The following ANKIB1 variants were observed in gnomAD, a reference collection of about 807,000 sequenced individuals.
ANKIB1 encodes the protein ankyrin repeat and IBR domain-containing protein 1.
A neutral mutation model predicts 122.1 loss-of-function variants in ANKIB1; 43 were observed. That is an observed-to-expected ratio of 0.35 (90% CI 0.28 to 0.45). ANKIB1 has a LOEUF of 0.45. ANKIB1 is among the 20% of genes least tolerant of loss of function. The pLI, the probability that ANKIB1 is intolerant of heterozygous loss-of-function variation, is 1.00. For missense variants in ANKIB1, 992 were observed against 1,329.5 expected (o/e 0.75, Z 3.95); for synonymous variants, 390 against 442.0 (o/e 0.88, Z 1.48).
chr7:92,317,885 G>A (rs1326766864), intron 3 of ANKIB1, among the ~76,000 whole-genome samples: 1 of 152,198 alleles, frequency 6.6e-6, no homozygotes, highest in South Asian at 2.1e-4. Flanking sequence ...TCTAAAAAGT[G>A]TTAACATTTA....
rs141328169 is a variant in ANKIB1, at chr7:92,281,310, G to A, written c.-90-13579G>A. Among the ~76,000 whole-genome samples, 7 of 152,138 alleles carry A rather than the reference G, an allele frequency of 4.6e-5. 1 individual carries two copies. The highest frequency in any genetic ancestry group is 7.4e-5 in the Non-Finnish European group (5 of 68,018). ...TTCCAGACTTTCTGAAGAAAAGCAG[G>A]TGATTAGCATATACTGCATTATTTA... On this transcript the variant is annotated intron_variant, in intron 1 of 19. Transcript: ENST00000265742.
At chr7:92,331,258 A>AAC (rs1328408523) in intron 5 of ANKIB1, among the ~76,000 whole-genome samples, 2 of 151,356 alleles carry the variant, frequency 1.3e-5, no homozygotes, top group Non-Finnish European at 2.9e-5. Context: ...CATCTTAAAC[A>AAC]ACATCACTTC....
At position 92,262,749 on chromosome 7, in the gene ANKIB1, A is replaced by G. The variant is rs916402836; in HGVS notation, c.-91+16230A>G. Among the ~76,000 whole-genome samples the G allele has an allele frequency of 5.9e-5, 9 of 152,126 alleles. 1 individual carries two copies. The South Asian group carries it at 1.2e-3, about 21-fold the overall frequency. ...TAATTCCCAGTTTAGATAACTATCT[A>G]TAATTTTATTATTTTTAAAAGAAAG... On this transcript the variant is annotated intron_variant, in intron 1 of 19. Coordinates refer to ENST00000265742, the MANE Select transcript of ANKIB1 (RefSeq NM_019004.2).
At chr7:92,284,755 T>A (rs775849552) in intron 1 of ANKIB1, among the ~76,000 whole-genome samples, 2 of 152,208 alleles carry the variant, frequency 1.3e-5, no homozygotes, top group African/African-American at 4.8e-5. Flanking sequence ...GTGATTTACT[T>A]ATGGCCCAGC....
chr7:92,321,656 A>G (rs139568649), intron 4 of ANKIB1, among the ~76,000 whole-genome samples: 35 of 152,302 alleles, frequency 2.3e-4, no homozygotes, highest in African/African-American at 7.7e-4. Context: ...TCTAAAAGGT[A>G]TTATGTAACT....
chr7:92,376,088 A>G (rs866473242), intron 11 of ANKIB1, among the ~76,000 whole-genome samples: 43 of 152,348 alleles, frequency 2.8e-4, no homozygotes, highest in Middle Eastern at 3.4e-3. Flanking sequence ...ATGGGCTGCC[A>G]TCCAGGCTTC....
chr7:92,274,807 T>G (rs77199509), intron 1 of ANKIB1, among the ~76,000 whole-genome samples: 1 of 152,092 alleles, frequency 6.6e-6, no homozygotes, highest in Non-Finnish European at 1.5e-5. Flanking sequence ...AAATTTTTTT[T>G]AATTATCTAC....
rs756145548 is a variant in ANKIB1 at position 92,392,206 on chromosome 7, T to C, written c.2232-35T>C. ...GATTGTATATACTTTGTAGTATTGATATTAAATCAAATGGTATGTCTAATT... is the reference window on the plus strand; with the variant it reads ...GATTGTATATACTTTGTAGTATTGACATTAAATCAAATGGTATGTCTAATT... On this transcript the variant is annotated intron_variant, in intron 16 of 19. Transcript: ENST00000265742. 49 of 1,578,454 alleles carry C rather than the reference T, an allele frequency of 3.1e-5. No individual in the cohort carries two copies. The South Asian group carries it at 5.1e-4, about 16-fold the overall frequency.
intron 5 of ANKIB1, among the ~76,000 whole-genome samples, chr7:92,331,509 A>C (rs1226907405): frequency 6.6e-6 from 1 of 151,984 alleles, no homozygotes; most frequent in East Asian, 1.9e-4. Context: ...CCTGACCTCA[A>C]GTGATCCGCC....
chr7:92,296,685 C>T (rs1349694535), intron 2 of ANKIB1, among the ~76,000 whole-genome samples: 2 of 152,062 alleles, frequency 1.3e-5, no homozygotes, highest in Admixed American at 6.6e-5. Flanking sequence ...CTCTGCCTAC[C>T]TATATTAATA....
At chr7:92,372,084 C>T (rs902400991) in intron 11 of ANKIB1, among the ~76,000 whole-genome samples, 2 of 151,414 alleles carry the variant, frequency 1.3e-5, no homozygotes, top group Non-Finnish European at 2.9e-5. Flanking sequence ...ACGGCTTAGA[C>T]TCAAGGCCCA....
chr7:92,374,126 A>T (rs1804330638), intron 11 of ANKIB1, among the ~76,000 whole-genome samples: 1 of 152,210 alleles, frequency 6.6e-6, no homozygotes. Flanking sequence ...AAACCCCAAT[A>T]ACATTCCAAA....
chr7:92,343,066 C>T lies in ANKIB1; in HGVS notation c.830C>T (p.Pro277Leu), dbSNP rs1190926853. The change falls in exon 6 of 20, where the codon CCG becomes CTG. Residue 277 changes from proline to leucine, a missense_variant. Pro to Leu is a moderately conservative substitution (Grantham distance 98, BLOSUM62 -3). Transcript: ENST00000265742. ...TTACTTGAAGCTTGGATGTCCAACCCGGAGAACTGCTGCCAACGATCAGGT... is the reference window on the plus strand; with the variant it reads ...TTACTTGAAGCTTGGATGTCCAACCTGGAGAACTGCTGCCAACGATCAGGT... Reference protein sequence around the residue: ...EKLLEAWMSNPENCCQRSGVQ... With the variant: ...EKLLEAWMSNLENCCQRSGVQ... The T allele has an allele frequency of 2.5e-6, 4 of 1,613,764 alleles. No homozygotes were observed. The highest frequency in any genetic ancestry group is 2.5e-6 in the Non-Finnish European group (3 of 1,179,872).
At chr7:92,307,101 C>G (rs1802576539) in intron 2 of ANKIB1, among the ~76,000 whole-genome samples, 1 of 151,998 alleles carries the variant, frequency 6.6e-6, no homozygotes. Flanking sequence ...TCTTCCTTTT[C>G]CCTTCCTTTC....
intron 10 of ANKIB1, among the ~76,000 whole-genome samples, chr7:92,365,427 C>T (rs1804049836): frequency 6.6e-6 from 1 of 152,152 alleles, no homozygotes; most frequent in Non-Finnish European, 1.5e-5. Context: ...AGTAGCGTGG[C>T]ATATTCAAAG....
intron 2 of ANKIB1, among the ~76,000 whole-genome samples, chr7:92,300,073 G>C (rs188685317): frequency 5.9e-5 from 9 of 152,108 alleles, no homozygotes; most frequent in African/African-American, 2.2e-4. Context: ...CTCCCAAAGT[G>C]TGGGGACTTA....
intron 1 of ANKIB1, among the ~76,000 whole-genome samples, chr7:92,286,479 ATTTT>A (rs34483972): frequency 3.0e-5 from 4 of 134,304 alleles, no homozygotes; most frequent in Admixed American, 1.5e-4. Flanking sequence ...TATTATCCGT[ATTTT>A]TTTTTTTTTT....
chr7:92,265,430 A>G (rs1322113187), intron 1 of ANKIB1, among the ~76,000 whole-genome samples: 1 of 152,246 alleles, frequency 6.6e-6, no homozygotes. Context: ...AAAAGTTGAT[A>G]TATTCATGGA....
intron 1 of ANKIB1, among the ~76,000 whole-genome samples, chr7:92,293,617 A>C (rs555369529): frequency 6.6e-6 from 1 of 152,304 alleles, no homozygotes; most frequent in African/African-American, 2.4e-5. Flanking sequence ...TGTCACAATA[A>C]TTTTCTAAAG....
Sources: gnomAD v4.1 joint callset for allele counts (sites outside exome capture counted in the v4.1 genomes callset) on GRCh38, gnomAD v4.1.1 for gene constraint, MANE v1.5 for transcripts, NCBI Gene and HGNC (gene_info 2026-07-23, HGNC 2026-07-21) for gene names.